The following SHLD1 variants were observed in gnomAD, a reference collection of about 807,000 sequenced individuals.
SHLD1 encodes the protein RINN1-REV7-interacting novel NHEJ regulator 3.
Under a neutral mutation model 5.5 loss-of-function variants are expected in SHLD1, and 3 were observed. The observed-to-expected ratio is 0.54, with a 90% confidence interval of 0.25 to 1.40. The LOEUF (loss-of-function observed/expected upper bound fraction) is 1.40, where lower values mean the gene tolerates loss of function less well. SHLD1 is among the 40% of genes most tolerant of loss of function. The pLI, the probability that SHLD1 is intolerant of heterozygous loss-of-function variation, is 0.15. For missense variants in SHLD1, 210 were observed against 244.4 expected, an observed-to-expected ratio of 0.86 and a Z score of 0.94; for synonymous variants, 92 against 94.3, an observed-to-expected ratio of 0.98 and a Z score of 0.14.
intron 1 of SHLD1, among the ~76,000 whole-genome samples, chr20:5,767,523 C>G (rs187095807): frequency 6.6e-6 from 1 of 152,234 alleles, no homozygotes; most frequent in East Asian, 1.9e-4. Flanking sequence ...ACCCGTGGGT[C>G]CCTGACCTCA....
intron 2 of SHLD1, among the ~76,000 whole-genome samples, chr20:5,861,765 T>C (rs1306200810): frequency 3.3e-5 from 5 of 152,176 alleles, no homozygotes; most frequent in Non-Finnish European, 7.4e-5. Context: ...TTCCTAAAGC[T>C]CCACCCACTG....
chr20:5,807,065 G>T (rs938728556), intron 2 of SHLD1, among the ~76,000 whole-genome samples: 4 of 152,230 alleles, frequency 2.6e-5, no homozygotes, highest in African/African-American at 9.6e-5. Context: ...GCCCTGCAGG[G>T]CTTTGCCCTC....
At chr20:5,772,271 A>G (rs237420) in intron 1 of SHLD1, 221,090 of 402,852 alleles carry the variant, frequency 0.55, 61,782 homozygotes, top group African/African-American at 0.68. Context: ...GGGGCCATTA[A>G]TAAGTAAAAT....
At chr20:5,862,906 G>A in intron 2 of SHLD1, 118 bp from the exon 3 acceptor site, 1 of 866,268 alleles carries the variant, frequency 1.2e-6, no homozygotes, top group Non-Finnish European at 1.7e-6. Flanking sequence ...ATTTCCCATT[G>A]CCAGTTACTC....
At chr20:5,814,055 C>T (rs954376443) in intron 2 of SHLD1, among the ~76,000 whole-genome samples, 2 of 145,998 alleles carry the variant, frequency 1.4e-5, no homozygotes, top group East Asian at 2.1e-4. Flanking sequence ...CTGGTTCAAG[C>T]GATTCTCCTA....
At chr20:5,800,300 T>C (rs1290412854) in intron 2 of SHLD1, among the ~76,000 whole-genome samples, 1 of 152,260 alleles carries the variant, frequency 6.6e-6, no homozygotes, top group Non-Finnish European at 1.5e-5. Flanking sequence ...CATTTGTGCC[T>C]TTTTTCCTAT....
At chr20:5,758,566 C>G (rs1158410458) in intron 1 of SHLD1, among the ~76,000 whole-genome samples, 1 of 151,776 alleles carries the variant, frequency 6.6e-6, no homozygotes, top group African/African-American at 2.4e-5. Flanking sequence ...TTATAGGTGT[C>G]TGTCATCATG....
intron 2 of SHLD1, among the ~76,000 whole-genome samples, chr20:5,818,534 A>G (rs2087567089): frequency 6.6e-6 from 1 of 152,208 alleles, no homozygotes. Context: ...TAAATAATGC[A>G]GAGTTGCCAA....
intron 2 of SHLD1, among the ~76,000 whole-genome samples, chr20:5,845,412 A>T (rs960069302): frequency 6.6e-5 from 10 of 152,202 alleles, no homozygotes; most frequent in Admixed American, 4.6e-4. Context: ...GCTAGGACTC[A>T]AACTCAAGGC....
At chr20:5,832,593 A>G (rs1458518609) in intron 2 of SHLD1, among the ~76,000 whole-genome samples, 1 of 152,072 alleles carries the variant, frequency 6.6e-6, no homozygotes, top group African/African-American at 2.4e-5. Context: ...ATGTGTCATC[A>G]CACCCAGCTA....
intron 2 of SHLD1, among the ~76,000 whole-genome samples, chr20:5,791,563 C>CAAAAAA (rs34606715): frequency 4.9e-5 from 3 of 61,018 alleles, no homozygotes; most frequent in East Asian, 4.8e-4. Flanking sequence ...GACCCTGTCT[C>CAAAAAA]AAAAAAAAAA....
intron 2 of SHLD1, among the ~76,000 whole-genome samples, chr20:5,789,091 G>A (rs8122837): frequency 0.011 from 1,748 of 152,020 alleles, 28 homozygotes; most frequent in African/African-American, 0.04. Context: ...TCGAGCCACT[G>A]CACTCCAGCC....
At chr20:5,775,748 G>A in intron 2 of SHLD1, among the ~76,000 whole-genome samples, 1 of 151,928 alleles carries the variant, frequency 6.6e-6, no homozygotes, top group South Asian at 2.1e-4. Context: ...CTCTGTACCT[G>A]TCTCCTTATT....
intron 2 of SHLD1, among the ~76,000 whole-genome samples, chr20:5,812,090 C>CTTTTTTTTTT (rs529793893): frequency 8.6e-6 from 1 of 116,196 alleles, no homozygotes; most frequent in Admixed American, 8.6e-5. Context: ...CTTTTTTTTT[C>CTTTTTTTTTT]TTTTTTTTTT....
At chr20:5,850,831 C>T (rs1442883706) in intron 2 of SHLD1, among the ~76,000 whole-genome samples, 5 of 152,158 alleles carry the variant, frequency 3.3e-5, no homozygotes, top group African/African-American at 1.2e-4. Context: ...CTTTACTTCT[C>T]ATCCGGCTTT....
chr20:5,860,876 T>TAAAAAAAAAAA (rs10555301), intron 2 of SHLD1, among the ~76,000 whole-genome samples: 1 of 100,780 alleles, frequency 9.9e-6, no homozygotes, highest in Non-Finnish European at 1.9e-5. Flanking sequence ...TACTATTCTT[T>TAAAAAAAAAAA]AAAAAAAAAA....
chr20:5,821,160 A>C (rs1015055906), intron 2 of SHLD1, among the ~76,000 whole-genome samples: 1 of 152,234 alleles, frequency 6.6e-6, no homozygotes, highest in Non-Finnish European at 1.5e-5. Flanking sequence ...GGGGCTTTAA[A>C]AATTGCCTGG....
At chr20:5,817,422 CTCTCTCTCTCTGTGTGTGTGTGTGTG>C (rs1200594040) in intron 2 of SHLD1, among the ~76,000 whole-genome samples, 2 of 131,706 alleles carry the variant, frequency 1.5e-5, no homozygotes, top group African/African-American at 7.0e-5. Context: ...CTCTCTCTCT[CTCTCTCTCTCTGTGTGTGTGTGTGTG>C]TGTGTGTGTG....
chr20:5,795,015 G>C lies in SHLD1; in HGVS notation c.178+21972G>C, dbSNP rs146289660. ...GCACTTTGGGAGACCAAGGTGGGCA[G>C]ATCATCTGAGGTCAGGAGTTCGGGA... On this transcript the variant is annotated intron_variant, in intron 2 of 2. Coordinates refer to ENST00000303142, the MANE Select transcript of SHLD1 (RefSeq NM_152504.4). Among the ~76,000 whole-genome samples, 74 of 152,198 alleles carry C rather than the reference G, an allele frequency of 4.9e-4. No individual in the cohort carries two copies. In the East Asian group the frequency reaches 0.013, roughly 27 times the overall value.
Sources: gnomAD v4.1 joint callset for allele counts (sites outside exome capture counted in the v4.1 genomes callset) on GRCh38, gnomAD v4.1.1 for gene constraint, MANE v1.5 for transcripts, NCBI Gene and HGNC (gene_info 2026-07-23, HGNC 2026-07-21) for gene names.